The following KCNB2 variants were observed in gnomAD, a reference collection of about 807,000 sequenced individuals.
KCNB2 encodes the protein potassium voltage-gated channel subfamily B member 2.
Under a neutral mutation model 61.5 loss-of-function variants are expected in KCNB2, and 15 were observed. That is an observed-to-expected ratio of 0.24 (90% CI 0.16 to 0.38). The LOEUF (loss-of-function observed/expected upper bound fraction) is 0.38. Among genes scored for constraint, KCNB2 ranks in the 10% least tolerant of loss-of-function variants. KCNB2 has a pLI of 1.00. For synonymous variants in KCNB2, 457 were observed against 446.0 expected (o/e 1.02, Z -0.31); for missense variants, 828 against 1,125.2 (o/e 0.74, Z 3.78).
At chr8:72,656,892 C>T (rs1255011435) in intron 2 of KCNB2, among the ~76,000 whole-genome samples, 2 of 152,024 alleles carry the variant, frequency 1.3e-5, no homozygotes, top group African/African-American at 4.8e-5. Flanking sequence ...TATCGGGCTA[C>T]CAGAAAGGAA....
intron 2 of KCNB2, among the ~76,000 whole-genome samples, chr8:72,857,668 A>C (rs1444284798): frequency 6.6e-6 from 1 of 152,146 alleles, no homozygotes; most frequent in African/African-American, 2.4e-5. Context: ...GGAGAAGAAG[A>C]ATGAAGAGTC....
At chr8:72,826,714 T>C (rs1809601706) in intron 2 of KCNB2, among the ~76,000 whole-genome samples, 1 of 152,172 alleles carries the variant, frequency 6.6e-6, no homozygotes. Flanking sequence ...GTCTTCCCTA[T>C]TGGGACATGA....
At chr8:72,619,788 A>G (rs1330919919) in intron 2 of KCNB2, among the ~76,000 whole-genome samples, 1 of 152,194 alleles carries the variant, frequency 6.6e-6, no homozygotes, top group Non-Finnish European at 1.5e-5. Flanking sequence ...CAGGTAACAA[A>G]ATAATCTTCA....
At chr8:72,930,026 A>G (rs565315368) in intron 2 of KCNB2, among the ~76,000 whole-genome samples, 1 of 135,534 alleles carries the variant, frequency 7.4e-6, no homozygotes, top group Non-Finnish European at 1.5e-5. Flanking sequence ...TTCAATTCCC[A>G]CCTATGAGTG....
chr8:72,867,790 ATC>A (rs899127330), intron 2 of KCNB2, among the ~76,000 whole-genome samples: 1 of 152,126 alleles, frequency 6.6e-6, no homozygotes, highest in Admixed American at 6.5e-5. Context: ...CTATTTCAAA[ATC>A]TTTTTTTCTT....
At chr8:72,809,234 T>C (rs1195877339) in intron 2 of KCNB2, among the ~76,000 whole-genome samples, 1 of 152,174 alleles carries the variant, frequency 6.6e-6, no homozygotes, top group African/African-American at 2.4e-5. Flanking sequence ...TCATTCCACC[T>C]GAAGATAAAG....
At chr8:72,595,399 C>A (rs1486655048) in intron 2 of KCNB2, among the ~76,000 whole-genome samples, 1 of 150,698 alleles carries the variant, frequency 6.6e-6, no homozygotes, top group African/African-American at 2.5e-5. Context: ...GATCTTGGCT[C>A]ACTGCAACCT....
At chr8:72,853,566 C>T (rs1383516149) in intron 2 of KCNB2, among the ~76,000 whole-genome samples, 2 of 152,152 alleles carry the variant, frequency 1.3e-5, no homozygotes, top group African/African-American at 4.8e-5. Flanking sequence ...GTCTAGGCCT[C>T]AATTTCTTTA....
At chr8:72,561,242 TG>T (rs766946541) in intron 1 of KCNB2, among the ~76,000 whole-genome samples, 21 of 151,778 alleles carry the variant, frequency 1.4e-4, no homozygotes, top group Non-Finnish European at 2.8e-4. Context: ...TTGCAACCTC[TG>T]CCTCCCAGGT....
At chr8:72,721,265 C>T (rs1402891393) in intron 2 of KCNB2, among the ~76,000 whole-genome samples, 1 of 152,240 alleles carries the variant, frequency 6.6e-6, no homozygotes, top group Admixed American at 6.5e-5. Context: ...TCAAGCCCAG[C>T]CCACATACAC....
At chr8:72,738,056 T>G (rs1382646433) in intron 2 of KCNB2, among the ~76,000 whole-genome samples, 1 of 152,176 alleles carries the variant, frequency 6.6e-6, no homozygotes, top group Non-Finnish European at 1.5e-5. Context: ...TGACATACTC[T>G]AAACCAATAT....
At chr8:72,577,449 A>G (rs149248365) in intron 2 of KCNB2, among the ~76,000 whole-genome samples, 196 of 152,314 alleles carry the variant, frequency 1.3e-3, no homozygotes, top group East Asian at 0.013. Context: ...GCAATTTAGA[A>G]TAGATGCAAC....
At chr8:72,767,204 G>C (rs954226489) in intron 2 of KCNB2, among the ~76,000 whole-genome samples, 1 of 152,032 alleles carries the variant, frequency 6.6e-6, no homozygotes, top group African/African-American at 2.4e-5. Context: ...ATATCCACCA[G>C]GTTATCTTTA....
At chr8:72,560,899 A>G (rs1284154583) in intron 1 of KCNB2, among the ~76,000 whole-genome samples, 3 of 152,184 alleles carry the variant, frequency 2.0e-5, no homozygotes, top group Non-Finnish European at 4.4e-5. Context: ...GTGAACATAT[A>G]TGTTTAGGGC....
chr8:72,601,080 G>GT (rs1805344085), intron 2 of KCNB2, among the ~76,000 whole-genome samples: 1 of 151,106 alleles, frequency 6.6e-6, no homozygotes, highest in Non-Finnish European at 1.5e-5. Context: ...ATTGCTACCT[G>GT]TAAAAAAAAG....
At chr8:72,688,812 C>T (rs759753504) in intron 2 of KCNB2, among the ~76,000 whole-genome samples, 9 of 152,154 alleles carry the variant, frequency 5.9e-5, no homozygotes, top group Middle Eastern at 3.4e-3. Flanking sequence ...CTGCAACCTC[C>T]GCCTCCCAGG....
chr8:72,636,001 A>T (rs1161725683), intron 2 of KCNB2, among the ~76,000 whole-genome samples: 1 of 152,120 alleles, frequency 6.6e-6, no homozygotes, highest in Non-Finnish European at 1.5e-5. Flanking sequence ...TAGGGTTTTC[A>T]TGAGATTAAA....
chr8:72,545,153 C>A (rs1429380035), intron 1 of KCNB2, among the ~76,000 whole-genome samples: 2 of 152,158 alleles, frequency 1.3e-5, no homozygotes, highest in African/African-American at 4.8e-5. Context: ...ATCTCAAAGT[C>A]CAGGTTCTAT....
chr8:72,594,402 G>A (rs1417282351), intron 2 of KCNB2, among the ~76,000 whole-genome samples: 5 of 152,120 alleles, frequency 3.3e-5, no homozygotes, highest in Non-Finnish European at 7.4e-5. Context: ...ATATAGTCAG[G>A]TAGAAGAATT....
Sources: allele counts gnomAD v4.1 joint callset (sites outside exome capture counted in the v4.1 genomes callset), GRCh38; gene constraint gnomAD v4.1.1; transcripts MANE v1.5; gene names NCBI Gene and HGNC (gene_info 2026-07-23, HGNC 2026-07-21).